Variants in ABCG8 observed in about 807,000 individuals in gnomAD.
The protein encoded by ABCG8 is ATP binding cassette subfamily G member 8, also known as ATP-binding cassette sub-family G member 8.
Under a neutral mutation model 71.3 loss-of-function variants are expected in ABCG8, and 81 were observed. The observed-to-expected ratio is 1.14, with a 90% confidence interval of 0.95 to 1.37. The LOEUF (loss-of-function observed/expected upper bound fraction) is 1.37, where lower values mean the gene tolerates loss of function less well. ABCG8 is among the 40% of genes most tolerant of loss of function. ABCG8 has a pLI of 0.00. For missense variants in ABCG8, 1,119 were observed against 866.2 expected, an observed-to-expected ratio of 1.29 and a Z score of -3.66; for synonymous variants, 451 against 354.7, an observed-to-expected ratio of 1.27 and a Z score of -3.05.
At chr2:43,868,715 G>C (rs2104941161) in intron 6 of ABCG8, among the ~76,000 whole-genome samples, 1 of 151,736 alleles carries the variant, frequency 6.6e-6, no homozygotes, top group East Asian at 2.0e-4. Context: ...TCAGCATCTG[G>C]ATATAATTCC....
Position 43,850,545 on chromosome 2 carries a change from T to C in ABCG8, c.323-1039T>C, listed in dbSNP as rs115177755. Among the ~76,000 whole-genome samples the C allele has an allele frequency of 2.3e-3, 349 of 152,346 alleles. 1 individual carries two copies. Among genetic ancestry groups the C allele is most frequent in the African/African-American group, 8.2e-3 (339 of 41,576 alleles). ...ACGGGGTTTTGTTGTACAGATTATTTAATCACCCAGGTAGTAAGCTTTGTA... is the reference window on the plus strand; with the variant it reads ...ACGGGGTTTTGTTGTACAGATTATTCAATCACCCAGGTAGTAAGCTTTGTA... On this transcript the variant is annotated intron_variant, in intron 3 of 12. Coordinates refer to ENST00000272286, the MANE Select transcript of ABCG8 (RefSeq NM_022437.3).
chr2:43,858,661 C>G (rs1480959082), intron 6 of ABCG8, among the ~76,000 whole-genome samples: 1 of 143,306 alleles, frequency 7.0e-6, no homozygotes, highest in Non-Finnish European at 1.5e-5. Context: ...ACTTTCACTA[C>G]CTGTCTGGAT....
chr2:43,880,871 A>G lies in ABCG8; in HGVS notation c.*2958A>G, dbSNP rs995839629. 1.3e-5 allele frequency: 2 copies of G among 152,028 alleles called. No homozygotes were observed. Among genetic ancestry groups the G allele is most frequent in the Non-Finnish European group, 2.9e-5 (2 of 67,954 alleles). 9.4% of individuals were successfully genotyped at this position (152,028 alleles called of 1,614,324 possible). A position where few individuals can be genotyped will look rare whatever the true frequency, so the allele number is the denominator to read the frequency against. ...TAAGTAATCTCCCATCTACACTGCC[A>G]CGCCTTCTCCTGTATGGACGTCCTG... is the stretch of plus-strand genomic sequence containing the variant. On this transcript the variant is annotated 3_prime_UTR_variant, in exon 13 of 13. Coordinates refer to ENST00000272286, the MANE Select transcript of ABCG8 (RefSeq NM_022437.3).
At chr2:43,844,019 T>C (rs113992044) in intron 1 of ABCG8, among the ~76,000 whole-genome samples, 63 of 152,300 alleles carry the variant, frequency 4.1e-4, no homozygotes, top group African/African-American at 1.4e-3. Flanking sequence ...TTCATGAATA[T>C]TGGGCATTAA....
chr2:43,856,623 C>CTCTA (rs148572586), intron 6 of ABCG8, among the ~76,000 whole-genome samples: 8,175 of 151,902 alleles, frequency 0.054, 268 homozygotes, highest in Middle Eastern at 0.11. Flanking sequence ...GAATAGAACT[C>CTCTA]TCTATCCGGA....
At chr2:43,848,441 T>C (rs1668812864) in intron 3 of ABCG8, 1 of 152,188 alleles carries the variant, frequency 6.6e-6, no homozygotes, top group Non-Finnish European at 1.5e-5. Flanking sequence ...TGGCTGAGAC[T>C]CAGCAACTTG....
intron 6 of ABCG8, among the ~76,000 whole-genome samples, chr2:43,855,338 C>T (rs1322090386): frequency 6.6e-6 from 1 of 152,182 alleles, no homozygotes; most frequent in East Asian, 1.9e-4. Context: ...CTCTCACTAT[C>T]TGGATAGAAT....
Position 43,879,687 on chromosome 2 carries a change from T to C in ABCG8, c.*1774T>C, listed in dbSNP as rs1670074254. The C allele has an allele frequency of 6.6e-6, 1 of 152,194 alleles. No homozygotes were observed. The highest frequency in any genetic ancestry group is 6.5e-5 in the Admixed American group (1 of 15,288). 9.4% of individuals were successfully genotyped at this position (152,194 alleles called of 1,614,324 possible). ...ATCTAGTTCTCAAGTCTCTTTTGTC[T>C]CTTTCAGTTTAGGAACAGTTTGTCA... On this transcript the variant is annotated 3_prime_UTR_variant, in exon 13 of 13. Coordinates refer to ENST00000272286, the MANE Select transcript of ABCG8 (RefSeq NM_022437.3).
At position 43,851,622 on chromosome 2, in the gene ABCG8, C is replaced by A. The variant is rs375005392; in HGVS notation, c.361C>A (p.Arg121=). The A allele has an allele frequency of 1.2e-6, 2 of 1,614,072 alleles. No homozygotes were observed. The highest frequency in any genetic ancestry group is 2.7e-5 in the African/African-American group (2 of 74,934). The change falls in exon 4 of 13, where the codon CGA becomes AGA. Residue 121 remains arginine (R), a synonymous_variant. Coordinates refer to ENST00000272286, the MANE Select transcript of ABCG8 (RefSeq NM_022437.3). ...RASLLDVITG[R]GHGGKIKSGQ... is the part of the protein sequence containing the mutation. ...CTCCTTGCTAGATGTGATCACTGGC[C>A]GAGGTCACGGCGGCAAGATCAAGTC...
intron 6 of ABCG8, among the ~76,000 whole-genome samples, chr2:43,863,053 C>A (rs1362002383): frequency 6.9e-6 from 1 of 145,712 alleles, no homozygotes; most frequent in Non-Finnish European, 1.5e-5. Context: ...GTGGGTAGAA[C>A]TCTTACTATC....
rs1189408189 is a variant in ABCG8 at position 43,877,861 on chromosome 2, T to C, written c.1970T>C (p.Leu657Pro). 2 of 1,614,028 alleles carry C rather than the reference T, an allele frequency of 1.2e-6. No homozygotes were observed. Among genetic ancestry groups the C allele is most frequent in the African/African-American group, 2.7e-5 (2 of 74,906 alleles). Residue 657 changes from leucine (L) to proline (P), a missense_variant, in exon 13 of 13, where the codon CTG (leucine) becomes CCG (proline). Coordinates refer to ENST00000272286, the MANE Select transcript of ABCG8 (RefSeq NM_022437.3). ...VIGLSGGFMV[L>P]YYVSLRFIKQ... is the part of the protein sequence containing the mutation. ...GGCCTCAGCGGTGGCTTCATGGTCC[T>C]GTACTACGTGTCCTTAAGGTTCATC...
Position 43,873,764 on chromosome 2 carries a change from A to G in ABCG8, c.1212-23A>G, listed in dbSNP as rs776119046. 1.9e-5 allele frequency: 30 copies of G among 1,613,410 alleles called. No individual in the cohort carries two copies. In the African/African-American group the frequency reaches 3.6e-4, roughly 19 times the overall value. Reference sequence around the variant, plus strand: ...GGCTGGTGTATGCTGTTGCCTCAGCATCTCTTCCTTTTGGTTTTTAAGTCG... The same window carrying G: ...GGCTGGTGTATGCTGTTGCCTCAGCGTCTCTTCCTTTTGGTTTTTAAGTCG... On this transcript the variant is annotated intron_variant, in intron 8 of 12. Coordinates refer to ENST00000272286, the MANE Select transcript of ABCG8 (RefSeq NM_022437.3).
At chr2:43,868,517 C>T (rs952468418) in intron 6 of ABCG8, among the ~76,000 whole-genome samples, 4 of 151,564 alleles carry the variant, frequency 2.6e-5, no homozygotes, top group Non-Finnish European at 5.9e-5. Flanking sequence ...GAATTCTCAC[C>T]ATCTGCATAG....
At position 43,881,720 on chromosome 2, in the gene ABCG8, A is replaced by AAC. The variant is rs1553385764; in HGVS notation, c.*3808_*3809insCA. 4 of 151,750 alleles carry AAC rather than the reference A, an allele frequency of 2.6e-5. No individual in the cohort carries two copies. Among genetic ancestry groups the AAC allele is most frequent in the African/African-American group, 9.7e-5 (4 of 41,278 alleles). 9.4% of individuals were successfully genotyped at this position (151,750 alleles called of 1,614,324 possible). A position where few individuals can be genotyped will look rare whatever the true frequency, so the allele number is the denominator to read the frequency against. On this transcript the variant is annotated 3_prime_UTR_variant, in exon 13 of 13. Transcript: ENST00000272286. ...GATACTCTGTCTCAAAAAAAAAAAA[A>AAC]AAAAACCCAAGGCTCTCGAGGCATG...
At chr2:43,851,537 C>T (rs115368282) in intron 3 of ABCG8, 47 bp from the exon 4 acceptor site, 2 of 1,601,664 alleles carry the variant, frequency 1.2e-6, no homozygotes, top group Admixed American at 3.3e-5. Context: ...GACAGCCTGG[C>T]CCCCACAGAA....
intron 3 of ABCG8, chr2:43,846,947 C>G (rs1192918122): frequency 1.1e-5 from 2 of 175,720 alleles, no homozygotes; most frequent in East Asian, 1.5e-4. Flanking sequence ...TTCAAACTCC[C>G]TACTCCTCAG....
At chr2:43,853,716 A>G (rs1572837466) in intron 6 of ABCG8, among the ~76,000 whole-genome samples, 2 of 152,336 alleles carry the variant, frequency 1.3e-5, no homozygotes, top group Non-Finnish European at 2.9e-5. Flanking sequence ...GGCCAAGGCC[A>G]TCTCCATCTT....
intron 6 of ABCG8, among the ~76,000 whole-genome samples, chr2:43,871,708 G>GC (rs1410760438): frequency 6.6e-6 from 1 of 152,198 alleles, no homozygotes; most frequent in Non-Finnish European, 1.5e-5. Context: ...CTTGGGCGGG[G>GC]CCTCTACTCT....
rs1367921881 is a variant in ABCG8, at chr2:43,857,137, ATCTGGATAGAATTCTCACTC to A, written c.964+4281_964+4300del. Among the ~76,000 whole-genome samples, 4 of 151,424 alleles carry A rather than the reference ATCTGGATAGAATTCTCACTC, an allele frequency of 2.6e-5. 1 individual carries two copies. In the East Asian group the frequency reaches 7.9e-4, roughly 30 times the overall value. On this transcript the variant is annotated intron_variant, in intron 6 of 12. Transcript: ENST00000272286. ...TCTCTAGATAGAACTCTCACTATCTATCTGGATAGAATTCTCACTCTCTGGATAGAACTCTCACTATCTAT... is the reference window on the plus strand; with the variant it reads ...TCTCTAGATAGAACTCTCACTATCTATCTGGATAGAACTCTCACTATCTAT...
Sources: allele counts gnomAD v4.1 joint callset (sites outside exome capture counted in the v4.1 genomes callset), GRCh38; gene constraint gnomAD v4.1.1; transcripts MANE v1.5; gene names NCBI Gene and HGNC (gene_info 2026-07-23, HGNC 2026-07-21).